RSAD2: variants seen among roughly 807,000 people sequenced by gnomAD.
RSAD2 encodes the protein radical S-adenosyl methionine domain containing 2.
RSAD2 carries 38 observed loss-of-function variants against 37.7 expected under a neutral mutation model. The observed-to-expected ratio is 1.01, with a 90% CI of 0.78 to 1.32. The LOEUF (loss-of-function observed/expected upper bound fraction) is 1.32. Ranked by LOEUF, RSAD2 falls within the 40% of genes most tolerant of loss-of-function variation. RSAD2 has a pLI of 0.00. For synonymous variants in RSAD2, 163 were observed against 157.4 expected (o/e 1.04, Z -0.27); for missense variants, 428 against 437.5 (o/e 0.98, Z 0.19).
At chr2:6,865,898 C>G in exon 1 of RSAD2, 1 of 1,411,604 alleles carries the variant, frequency 7.1e-7, no homozygotes, top group Non-Finnish European at 9.2e-7. Flanking sequence ...TCCTCCTCGC[C>G]GCGAGATGTG....
chr2:6,867,365 C>T (rs571282891), intron 1 of RSAD2, among the ~76,000 whole-genome samples: 2 of 152,294 alleles, frequency 1.3e-5, no homozygotes, highest in Admixed American at 6.5e-5. Context: ...GGGACCTTTC[C>T]TTTGTGCTTG....
chr2:6,884,981 G>A (rs997099555), intron 2 of RSAD2, among the ~76,000 whole-genome samples: 1 of 152,186 alleles, frequency 6.6e-6, no homozygotes, highest in Non-Finnish European at 1.5e-5. Flanking sequence ...GGCTTAATGG[G>A]TCAGGGATGG....
At chr2:6,867,165 C>T (rs1291777542) in intron 1 of RSAD2, among the ~76,000 whole-genome samples, 4 of 152,222 alleles carry the variant, frequency 2.6e-5, no homozygotes, top group African/African-American at 7.2e-5. Flanking sequence ...ATCCACCTCT[C>T]TGGATGTATT....
intron 1 of RSAD2, among the ~76,000 whole-genome samples, chr2:6,868,490 A>T (rs1663146801): frequency 6.6e-6 from 1 of 152,206 alleles, no homozygotes; most frequent in African/African-American, 2.4e-5. Context: ...AGAAAATAAG[A>T]ATTAATAAAA....
At chr2:6,883,819 G>T in intron 2 of RSAD2, 1 of 325,880 alleles carries the variant, frequency 3.1e-6, no homozygotes, top group Non-Finnish European at 5.6e-6. Context: ...TATGGCCTTA[G>T]TTTAGACACT....
rs1412697318 is a variant in RSAD2 at position 6,895,953 on chromosome 2, G to A, written c.*11G>A. The A allele has an allele frequency of 1.2e-6, 2 of 1,611,484 alleles. No individual in the cohort carries two copies. The highest frequency in any genetic ancestry group is 2.2e-5 in the East Asian group (1 of 44,854). ...AAGCTGGATTGGTAGAGCGGAAAGT[G>A]GAACGAGACTTCAACACACCAGTGG... On this transcript the variant is annotated 3_prime_UTR_variant, in exon 6 of 6. Coordinates refer to ENST00000382040, the MANE Select transcript of RSAD2 (RefSeq NM_080657.5).
At chr2:6,868,001 T>C (rs1261293313) in intron 1 of RSAD2, among the ~76,000 whole-genome samples, 1 of 152,172 alleles carries the variant, frequency 6.6e-6, no homozygotes, top group Non-Finnish European at 1.5e-5. Context: ...CAGCTGGATG[T>C]TTATATTGAC....
chr2:6,887,659 C>A (rs1351462033), intron 3 of RSAD2, among the ~76,000 whole-genome samples: 1 of 152,198 alleles, frequency 6.6e-6, no homozygotes, highest in Non-Finnish European at 1.5e-5. Context: ...CTACCAGCTA[C>A]TAAAAGCCAA....
chr2:6,890,272 T>A lies in RSAD2; in HGVS notation c.835T>A (p.Phe279Ile), dbSNP rs1444911500. The change falls in exon 4 of 6, where the codon TTC (phenylalanine) becomes ATC (isoleucine). Residue 279 changes from phenylalanine to isoleucine, a missense_variant. Phe to Ile is a conservative substitution (Grantham distance 21). Coordinates refer to ENST00000382040, the MANE Select transcript of RSAD2 (RefSeq NM_080657.5). Reference protein sequence around the residue: ...FVIGDEEFERFLERHKEVSCL... With the variant: ...FVIGDEEFERILERHKEVSCL... ...TATTGGTGATGAAGAATTTGAAAGA[T>A]TCTTGGAGCGCCACAAAGAAGTGTC... is the stretch of plus-strand genomic sequence containing the variant. 6.2e-7 allele frequency: 1 copy of A among 1,614,196 alleles called. No homozygotes were observed. The highest frequency in any genetic ancestry group is 1.7e-5 in the Admixed American group (1 of 60,020).
chr2:6,890,163 CAT>C lies in RSAD2; in HGVS notation c.739-12_739-11del. 1 of 1,613,324 alleles carries C rather than the reference CAT, an allele frequency of 6.2e-7. No individual in the cohort carries two copies. The highest frequency in any genetic ancestry group is 2.2e-5 in the East Asian group (1 of 44,868). On this transcript the variant is annotated splice_polypyrimidine_tract_variant and intron_variant, in intron 3 of 5. Coordinates refer to ENST00000382040, the MANE Select transcript of RSAD2 (RefSeq NM_080657.5). ...AAGCTCTCTGCAAAGCAAACACTAC[CAT>C]TGCCTTTCAGGTGTTCCAGTGCCTC...
At chr2:6,878,956 A>G (rs904687955) in intron 1 of RSAD2, 1 of 669,248 alleles carries the variant, frequency 1.5e-6, no homozygotes, top group Non-Finnish European at 2.4e-6. Flanking sequence ...TCACAAAGCA[A>G]TCACAGCCAG....
chr2:6,865,964 G>A (rs979744074), exon 1 of RSAD2: 24 of 1,112,216 alleles, frequency 2.2e-5, no homozygotes, highest in Non-Finnish European at 2.7e-5. Flanking sequence ...CCCCAGGTGC[G>A]CGGCTCCGCG....
chr2:6,875,723 T>A (rs1404647684), upstream of RSAD2, among the ~76,000 whole-genome samples: 3 of 152,222 alleles, frequency 2.0e-5, no homozygotes, highest in Admixed American at 6.5e-5. Context: ...TTCCCATCTA[T>A]TCAGTTATCC....
At chr2:6,874,498 C>T (rs1404232032), upstream of RSAD2, among the ~76,000 whole-genome samples, 5 of 152,190 alleles carry the variant, frequency 3.3e-5, no homozygotes, top group African/African-American at 1.2e-4. Context: ...AAACTCTCAT[C>T]AGAGTTTTGA....
rs1402379064 is a variant in RSAD2, at chr2:6,887,177, G to C, written c.738+13G>C. ...TGTCCGCTGGAAAGTAAGTACACAA[G>C]GTCGCTTTTGCTGATTTCCTTCAAG... On this transcript the variant is annotated intron_variant, in intron 3 of 5. Coordinates refer to ENST00000382040, the MANE Select transcript of RSAD2 (RefSeq NM_080657.5). The C allele has an allele frequency of 6.3e-7, 1 of 1,598,422 alleles. No homozygotes were observed. The highest frequency in any genetic ancestry group is 1.3e-5 in the African/African-American group (1 of 74,450).
In RSAD2 at chr2:6,895,794, G is replaced by A. The variant is rs1210607408; in HGVS notation, c.938G>A (p.Cys313Tyr). 2 of 1,613,758 alleles carry A rather than the reference G, an allele frequency of 1.2e-6. No individual in the cohort carries two copies. The highest frequency in any genetic ancestry group is 1.7e-6 in the Non-Finnish European group (2 of 1,179,814). ...ILDEYMRFLN[C>Y]RKGRKDPSKS... ...ATTTTCTAGATGCGCTTTCTGAACTGTAGAAAGGGACGGAAGGACCCTTCC... is the reference window on the plus strand; with the variant it reads ...ATTTTCTAGATGCGCTTTCTGAACTATAGAAAGGGACGGAAGGACCCTTCC... The change falls in exon 6 of 6, where the codon TGT becomes TAT. Residue 313 changes from cysteine (C) to tyrosine (Y), a missense_variant. By Grantham distance (194) the Cys-to-Tyr change is radical. Transcript: ENST00000382040.
chr2:6,887,949 A>G (rs1309714023), intron 3 of RSAD2, among the ~76,000 whole-genome samples: 1 of 152,242 alleles, frequency 6.6e-6, no homozygotes, highest in African/African-American at 2.4e-5. Flanking sequence ...GAAAAGTCAC[A>G]TGATAGAAAG....
chr2:6,883,280 CT>C, intron 1 of RSAD2, 90 bp from the exon 2 acceptor site: 30 of 1,408,946 alleles, frequency 2.1e-5, no homozygotes, highest in African/African-American at 2.9e-5. Context: ...AGTTTTATTT[CT>C]TTTTTTTACA....
intron 4 of RSAD2, among the ~76,000 whole-genome samples, chr2:6,891,893 C>A (rs572883451): frequency 6.6e-6 from 1 of 151,996 alleles, no homozygotes; most frequent in Non-Finnish European, 1.5e-5. Flanking sequence ...CAAGCATATT[C>A]CAAAAATTTT....
Sources: allele counts gnomAD v4.1 joint callset (sites outside exome capture counted in the v4.1 genomes callset), GRCh38; gene constraint gnomAD v4.1.1; transcripts MANE v1.5; gene names NCBI Gene and HGNC (gene_info 2026-07-23, HGNC 2026-07-21).